Variants in SMIM35 observed in about 807,000 individuals in gnomAD.
SMIM35 encodes TMPRSS4 antisense RNA 1 (non-protein coding).
chr11:118,010,249 T>C (rs1170824081), intron 4 of SMIM35, among the ~76,000 whole-genome samples: 1 of 152,234 alleles, frequency 6.6e-6, no homozygotes, highest in African/African-American at 2.4e-5. Flanking sequence ...CTCAGACTCC[T>C]GAAGCAGAGA....
intron 1 of SMIM35, among the ~76,000 whole-genome samples, chr11:118,071,703 G>A (rs1233910076): frequency 6.6e-6 from 1 of 152,124 alleles, no homozygotes; most frequent in African/African-American, 2.4e-5. Context: ...GAACCTCAGG[G>A]GTTCATCTAT....
intron 1 of SMIM35, among the ~76,000 whole-genome samples, chr11:118,050,668 C>G (rs1316885515): frequency 2.6e-5 from 4 of 152,242 alleles, no homozygotes; most frequent in Non-Finnish European, 4.4e-5. Flanking sequence ...GCTTCCTCAT[C>G]ATAAGTGCCG....
intron 1 of SMIM35, among the ~76,000 whole-genome samples, chr11:118,066,923 G>A (rs1944482935): frequency 6.6e-6 from 1 of 151,506 alleles, no homozygotes; most frequent in South Asian, 2.1e-4. Context: ...TTACACTCAA[G>A]ATAGAAAGAT....
chr11:118,033,926 T>C (rs2058338338), intron 1 of SMIM35, among the ~76,000 whole-genome samples: 1 of 152,176 alleles, frequency 6.6e-6, no homozygotes, highest in Non-Finnish European at 1.5e-5. Context: ...CATTTGTCTA[T>C]GAAATGGAAA....
intron 1 of SMIM35, among the ~76,000 whole-genome samples, chr11:118,034,821 A>T (rs185806321): frequency 2.0e-5 from 3 of 152,358 alleles, no homozygotes; most frequent in African/African-American, 7.2e-5. Flanking sequence ...ACGAGGAGCC[A>T]ACCACCTTAT....
chr11:118,066,356 G>A (rs186368639), intron 1 of SMIM35, among the ~76,000 whole-genome samples: 8 of 152,076 alleles, frequency 5.3e-5, no homozygotes, highest in Non-Finnish European at 8.8e-5. Context: ...CACCTGGACC[G>A]CTGCATGAGT....
chr11:118,021,051 T>TTTTTTTTGTTTGTTTG (rs1046434492), intron 1 of SMIM35, among the ~76,000 whole-genome samples: 3 of 151,754 alleles, frequency 2.0e-5, no homozygotes, highest in East Asian at 3.9e-4. Context: ...GGTAAGGTTT[T>TTTTTTTTGTTTGTTTG]TTTTTTTACT....
chr11:118,056,920 G>A (rs1194592667), intron 1 of SMIM35, among the ~76,000 whole-genome samples: 1 of 152,160 alleles, frequency 6.6e-6, no homozygotes, highest in African/African-American at 2.4e-5. Flanking sequence ...GGTGTAGAGT[G>A]GATGGAGGTG....
chr11:118,042,903 T>C (rs1234383049), intron 1 of SMIM35, among the ~76,000 whole-genome samples: 1 of 152,214 alleles, frequency 6.6e-6, no homozygotes, highest in African/African-American at 2.4e-5. Context: ...TTAAATCACA[T>C]GATGATCTCA....
At chr11:118,075,027 C>T (rs1944634663) in intron 1 of SMIM35, among the ~76,000 whole-genome samples, 1 of 152,218 alleles carries the variant, frequency 6.6e-6, no homozygotes, top group South Asian at 2.1e-4. Context: ...CAGACAGCTG[C>T]CTCTTTCCTG....
rs1175450918 is a variant in SMIM35 at position 118,005,064 on chromosome 11, C to G, written c.*1346G>C. On this transcript the variant is annotated 3_prime_UTR_variant, in exon 5 of 5. Transcript: ENST00000689828. The stretch of plus-strand genomic sequence containing the variant: ...AACAGGAACATTCTTCAGAATCCTA[C>G]TATCTGGTCACCCCAGCCCTGGAAG... 1 of 152,202 alleles carries G rather than the reference C, an allele frequency of 6.6e-6. No individual in the cohort carries two copies. The highest frequency in any genetic ancestry group is 1.5e-5 in the Non-Finnish European group (1 of 68,070). The allele number at this position is 152,202 out of a possible 1,614,324, so 9.4% of individuals were successfully genotyped here.
intron 1 of SMIM35, among the ~76,000 whole-genome samples, chr11:118,080,624 C>T (rs1945052520): frequency 6.6e-6 from 1 of 152,140 alleles, no homozygotes; most frequent in Non-Finnish European, 1.5e-5. Context: ...TAGCCCAGAC[C>T]CATGCCAAAG....
At chr11:118,030,059 A>G (rs955307077) in intron 1 of SMIM35, among the ~76,000 whole-genome samples, 1 of 151,634 alleles carries the variant, frequency 6.6e-6, no homozygotes, top group Non-Finnish European at 1.5e-5. Context: ...TTTTGAGACA[A>G]TGTCTCACTC....
chr11:118,085,501 TCCCTC>T (rs903925787), intron 1 of SMIM35, among the ~76,000 whole-genome samples: 1 of 152,076 alleles, frequency 6.6e-6, no homozygotes, highest in African/African-American at 2.4e-5. Context: ...GCCATTTCCC[TCCCTC>T]TTAAAGTTTA....
At chr11:118,028,910 G>A (rs1442266763) in intron 1 of SMIM35, 5 of 428,192 alleles carry the variant, frequency 1.2e-5, no homozygotes, top group Admixed American at 1.0e-4. Context: ...GAGGACAGGA[G>A]GAGGAGGAGG....
At chr11:118,039,182 C>T (rs1043827131) in intron 1 of SMIM35, among the ~76,000 whole-genome samples, 2 of 152,084 alleles carry the variant, frequency 1.3e-5, no homozygotes, top group Non-Finnish European at 2.9e-5. Flanking sequence ...GGGAGAAAGA[C>T]CAACTGGGAG....
At chr11:118,054,862 G>A (rs1041252472) in intron 1 of SMIM35, among the ~76,000 whole-genome samples, 1 of 148,282 alleles carries the variant, frequency 6.7e-6, no homozygotes, top group African/African-American at 2.5e-5. Flanking sequence ...GGAGTGCAGT[G>A]GCCCGATCTC....
chr11:118,047,705 A>C (rs1290983033), intron 1 of SMIM35, among the ~76,000 whole-genome samples: 1 of 152,204 alleles, frequency 6.6e-6, no homozygotes, highest in East Asian at 1.9e-4. Context: ...CAAATAAGTT[A>C]TTTCAGCAGC....
At chr11:118,036,781 CT>C (rs2058362462) in intron 1 of SMIM35, among the ~76,000 whole-genome samples, 1 of 150,540 alleles carries the variant, frequency 6.6e-6, no homozygotes, top group South Asian at 2.1e-4. Flanking sequence ...TCTTTTTTTT[CT>C]TTTTGCAATT....
Sources: allele counts gnomAD v4.1 joint callset (sites outside exome capture counted in the v4.1 genomes callset), GRCh38; gene constraint gnomAD v4.1.1; transcripts MANE v1.5; gene names NCBI Gene and HGNC (gene_info 2026-07-23, HGNC 2026-07-21).